Variants in STARD13 observed in about 807,000 individuals in gnomAD.
STARD13 encodes the protein StAR related lipid transfer domain containing 13.
STARD13 carries 62 observed loss-of-function variants against 106.4 expected under a neutral mutation model. The ratio of observed to expected loss-of-function variants is 0.58; its 90% CI spans 0.48 to 0.72. The LOEUF (loss-of-function observed/expected upper bound fraction) is 0.72, where lower values mean the gene tolerates loss of function less well. Ranked by LOEUF, STARD13 falls within the 30% of genes least tolerant of loss-of-function variation. The probability of loss-of-function intolerance (pLI) is 0.00; values close to 1 mark genes in which losing one functional copy is unlikely to be tolerated. For synonymous variants in STARD13, 565 were observed against 553.0 expected (o/e 1.02, Z -0.31); for missense variants, 1,387 against 1,424.0 (o/e 0.97, Z 0.42).
chr13:33,163,747 CAT>C (rs1241799285), intron 3 of STARD13, among the ~76,000 whole-genome samples: 48 of 122,856 alleles, frequency 3.9e-4, no homozygotes, highest in Admixed American at 1.7e-3. Context: ...ATATATATAA[CAT>C]ATATATATAA....
the STARD13 span, among the ~76,000 whole-genome samples, chr13:33,440,444 C>T: frequency 2.6e-5 from 4 of 151,972 alleles, no homozygotes; most frequent in Admixed American, 1.3e-4. Flanking sequence ...CAGGCCCTAA[C>T]TCAGCTGACT....
chr13:33,349,145 G>A, exon 2 of STARD13: 1 of 702,322 alleles, frequency 1.4e-6, no homozygotes, highest in Non-Finnish European at 2.6e-6. Flanking sequence ...CTTCTTTCTA[G>A]GCATCAGACC....
intron 1 of STARD13, among the ~76,000 whole-genome samples, chr13:33,256,145 C>T (rs1038355325): frequency 2.6e-5 from 4 of 152,172 alleles, no homozygotes; most frequent in African/African-American, 4.8e-5. Context: ...GGCTTCGTGG[C>T]GTCCCAAATT....
chr13:33,185,280 A>G (rs1281754914), intron 1 of STARD13, among the ~76,000 whole-genome samples: 1 of 152,206 alleles, frequency 6.6e-6, no homozygotes, highest in Non-Finnish European at 1.5e-5. Context: ...ATGAAGGAAG[A>G]ATCTCTGCTC....
the STARD13 span, among the ~76,000 whole-genome samples, chr13:33,409,411 G>A: frequency 3.3e-4 from 51 of 152,346 alleles, no homozygotes; most frequent in African/African-American, 1.2e-3. Flanking sequence ...CACTGAAACA[G>A]TTTGGTGCTA....
At chr13:33,435,778 T>A in the STARD13 span, among the ~76,000 whole-genome samples, 5 of 152,164 alleles carry the variant, frequency 3.3e-5, no homozygotes, top group African/African-American at 1.2e-4. Context: ...GCAAGGGACA[T>A]AATAATGTTC....
chr13:33,545,217 C>T, the STARD13 span, among the ~76,000 whole-genome samples: 1 of 152,152 alleles, frequency 6.6e-6, no homozygotes, highest in South Asian at 2.1e-4. Flanking sequence ...GCCTTGGCCT[C>T]TCAAAGTGCT....
the STARD13 span, among the ~76,000 whole-genome samples, chr13:33,497,457 G>A: frequency 0.3 from 45,404 of 151,914 alleles, 7,645 homozygotes; most frequent in Non-Finnish European, 0.39. Flanking sequence ...AAGTGAGAAA[G>A]GTTTTCCAAG....
At chr13:33,671,167 T>G in the STARD13 span, among the ~76,000 whole-genome samples, 1 of 152,152 alleles carries the variant, frequency 6.6e-6, no homozygotes, top group Non-Finnish European at 1.5e-5. Context: ...TTATTCCTAT[T>G]AGGCATTGCT....
chr13:33,652,197 C>T, the STARD13 span, among the ~76,000 whole-genome samples: 1 of 152,172 alleles, frequency 6.6e-6, no homozygotes, highest in African/African-American at 2.4e-5. Flanking sequence ...CCAAAATGCC[C>T]CAGCATTTGG....
chr13:33,357,935 G>A, the STARD13 span, among the ~76,000 whole-genome samples: 1 of 152,234 alleles, frequency 6.6e-6, no homozygotes, highest in South Asian at 2.1e-4. Flanking sequence ...TTCTGGGCTG[G>A]CCAAGGCTGG....
chr13:33,367,454 G>GA, the STARD13 span, among the ~76,000 whole-genome samples: 1 of 151,610 alleles, frequency 6.6e-6, no homozygotes, highest in Admixed American at 6.6e-5. Flanking sequence ...GCAGTAAGGA[G>GA]AAAAAAGATT....
chr13:33,638,109 G>T, the STARD13 span, among the ~76,000 whole-genome samples: 1 of 152,194 alleles, frequency 6.6e-6, no homozygotes, highest in Non-Finnish European at 1.5e-5. Flanking sequence ...AGCCAAATAT[G>T]AGTGACTAAT....
chr13:33,675,571 A>G, the STARD13 span, among the ~76,000 whole-genome samples: 1 of 152,178 alleles, frequency 6.6e-6, no homozygotes, highest in Non-Finnish European at 1.5e-5. Context: ...ATATGGAGCA[A>G]GAATATGGTT....
intron 3 of STARD13, among the ~76,000 whole-genome samples, chr13:33,143,045 G>C (rs2138237787): frequency 6.6e-6 from 1 of 152,338 alleles, no homozygotes; most frequent in African/African-American, 2.4e-5. Flanking sequence ...TGAGGACACA[G>C]TGAGAAGGCA....
chr13:33,287,636 T>C (rs1892124523), upstream of STARD13, among the ~76,000 whole-genome samples: 1 of 152,186 alleles, frequency 6.6e-6, no homozygotes, highest in Non-Finnish European at 1.5e-5. Context: ...TATTGCAAAG[T>C]TGGCTGCCTG....
intron 1 of STARD13, among the ~76,000 whole-genome samples, chr13:33,319,689 T>A (rs1893481613): frequency 6.6e-6 from 1 of 152,128 alleles, no homozygotes; most frequent in African/African-American, 2.4e-5. Flanking sequence ...TTGGTGTGGG[T>A]CAATCATTTA....
At chr13:33,276,431 G>A (rs7328358) in intron 1 of STARD13, among the ~76,000 whole-genome samples, 52,628 of 151,974 alleles carry the variant, frequency 0.35, 9,619 homozygotes, top group African/African-American at 0.45. Context: ...AGTGAGAATC[G>A]TTGGAATATC....
chr13:33,602,657 TG>T, the STARD13 span, among the ~76,000 whole-genome samples: 18 of 152,172 alleles, frequency 1.2e-4, no homozygotes, highest in African/African-American at 4.1e-4. Context: ...GACCGGTCTG[TG>T]GCCTGTTAGG....
Sources: allele counts gnomAD v4.1 joint callset (sites outside exome capture counted in the v4.1 genomes callset), GRCh38; gene constraint gnomAD v4.1.1; transcripts MANE v1.5; gene names NCBI Gene and HGNC (gene_info 2026-07-23, HGNC 2026-07-21).